Variants in PEX5L observed in about 807,000 individuals in gnomAD.
PEX5L encodes the protein PEX5-related protein.
In PEX5L, 30 loss-of-function variants were observed where a neutral mutation model predicts 84.0. The observed-to-expected ratio is 0.36, with a 90% CI of 0.27 to 0.48. The LOEUF (loss-of-function observed/expected upper bound fraction) is 0.48, where lower values mean the gene tolerates loss of function less well. PEX5L is among the 20% of genes least tolerant of loss of function. The probability of loss-of-function intolerance (pLI) is 0.99; values close to 1 mark genes in which losing one functional copy is unlikely to be tolerated. For missense variants in PEX5L, 533 were observed against 754.6 expected (o/e 0.71, Z 3.44); for synonymous variants, 270 against 283.1 (o/e 0.95, Z 0.46).
At chr3:179,973,791 GT>G in intron 1 of PEX5L, 2 of 985,324 alleles carry the variant, frequency 2.0e-6, no homozygotes. Context: ...AGGAAATTAT[GT>G]CCCCCAACCA....
At chr3:179,965,373 AT>A (rs1289188610) in intron 2 of PEX5L, among the ~76,000 whole-genome samples, 1 of 152,212 alleles carries the variant, frequency 6.6e-6, no homozygotes, top group Non-Finnish European at 1.5e-5. Flanking sequence ...GAGCATCCTC[AT>A]TTGAGCCTCA....
Position 179,898,230 on chromosome 3 carries a change from G to A in PEX5L, c.110C>T (p.Ala37Val), listed in dbSNP as rs1760024479. The change falls in exon 3 of 15, where the codon GCG becomes GTG. Residue 37 changes from alanine (A) to valine (V), a missense_variant. Coordinates refer to ENST00000467460, the MANE Select transcript of PEX5L (RefSeq NM_016559.3). ...CACCATGGCAACAGCCTTATCTGCC[G>A]CCCTAGAGCCTTTTCCCTATAACAG... ...VDQKQGKGSR[A>V]ADKAVAMVMK... 2 of 1,612,336 alleles carry A rather than the reference G, an allele frequency of 1.2e-6. No homozygotes were observed. The highest frequency in any genetic ancestry group is 1.7e-6 in the Non-Finnish European group (2 of 1,178,634).
intron 1 of PEX5L, among the ~76,000 whole-genome samples, chr3:179,990,491 C>T (rs1010594845): frequency 6.6e-6 from 1 of 152,084 alleles, no homozygotes; most frequent in African/African-American, 2.4e-5. Flanking sequence ...CTCAACCTCC[C>T]AGGTTCATGT....
chr3:180,024,588 T>C (rs924065258), intron 1 of PEX5L, among the ~76,000 whole-genome samples: 2 of 149,314 alleles, frequency 1.3e-5, no homozygotes, highest in Non-Finnish European at 3.0e-5. Flanking sequence ...ATGGTTCAGA[T>C]AGGTGCACAA....
At chr3:179,991,514 T>TC (rs1273508008) in intron 1 of PEX5L, among the ~76,000 whole-genome samples, 3 of 152,112 alleles carry the variant, frequency 2.0e-5, no homozygotes, top group Admixed American at 1.3e-4. Flanking sequence ...TCCTTTTTTT[T>TC]CCCCCTCTAC....
intron 1 of PEX5L, among the ~76,000 whole-genome samples, chr3:180,003,959 T>G (rs56006824): frequency 0.13 from 19,385 of 152,208 alleles, 1,368 homozygotes; most frequent in African/African-American, 0.19. Flanking sequence ...TTTATCCCAA[T>G]CAATATCTTC....
At chr3:179,848,116 A>G (rs1276138247) in intron 8 of PEX5L, among the ~76,000 whole-genome samples, 2 of 152,192 alleles carry the variant, frequency 1.3e-5, no homozygotes, top group Non-Finnish European at 2.9e-5. Context: ...TTCCTTTTCA[A>G]TAAACAACGA....
At chr3:179,948,676 T>C (rs1418878436) in intron 2 of PEX5L, among the ~76,000 whole-genome samples, 1 of 152,164 alleles carries the variant, frequency 6.6e-6, no homozygotes, top group Non-Finnish European at 1.5e-5. Context: ...GCATACTGTA[T>C]TTCTTCACTT....
chr3:179,927,346 A>T (rs954541119), intron 2 of PEX5L, among the ~76,000 whole-genome samples: 2 of 152,174 alleles, frequency 1.3e-5, no homozygotes. Context: ...TTAACTAGGC[A>T]CAGAGGGGTT....
chr3:179,810,632 C>G (rs1323780758), intron 11 of PEX5L, among the ~76,000 whole-genome samples: 1 of 152,112 alleles, frequency 6.6e-6, no homozygotes, highest in Non-Finnish European at 1.5e-5. Context: ...ATGATGAGGT[C>G]TCTGGATAAG....
At chr3:179,989,407 T>C (rs1351497462) in intron 1 of PEX5L, among the ~76,000 whole-genome samples, 3 of 152,188 alleles carry the variant, frequency 2.0e-5, no homozygotes, top group African/African-American at 7.2e-5. Context: ...AAACCTCTCA[T>C]GACATATGTG....
At position 179,797,188 on chromosome 3, in the gene PEX5L, T is replaced by C. The variant is rs1044549780; in HGVS notation, c.*4640A>G. 4 of 152,192 alleles carry C rather than the reference T, an allele frequency of 2.6e-5. No homozygotes were observed. The highest frequency in any genetic ancestry group is 9.6e-5 in the African/African-American group (4 of 41,456). 9.4% of individuals were successfully genotyped at this position (152,192 alleles called of 1,614,324 possible). ...GATCTGTTGTGCCTCAACTGGTTTT[T>C]GAAAAAGTGTTTAGATGTCCCAGAT... On this transcript the variant is annotated 3_prime_UTR_variant, in exon 15 of 15. Transcript: ENST00000467460.
rs546973845 is a variant in PEX5L, at chr3:180,027,438, A to G, written c.21+9141T>C. On this transcript the variant is annotated intron_variant, in intron 1 of 14. Transcript: ENST00000467460. The stretch of plus-strand genomic sequence containing the variant: ...CTTTCCCCAGATTTAGCAGTTTTTA[A>G]TATTTTGCTGTATTGCTTTATCATT... 4.2e-3 allele frequency among the ~76,000 whole-genome samples: 632 copies of G among 152,268 alleles called. 3 individuals carry two copies. The highest frequency in any genetic ancestry group is 0.014 in the African/African-American group (602 of 41,552).
intron 2 of PEX5L, 196 bp from the exon 3 acceptor site, chr3:179,898,442 T>C (rs1043249220): frequency 9.2e-6 from 4 of 436,630 alleles, no homozygotes; most frequent in African/African-American, 4.0e-5. Context: ...TTTAGTTAGC[T>C]ACTTTTTCCC....
intron 1 of PEX5L, among the ~76,000 whole-genome samples, chr3:180,028,976 TG>T (rs556125748): frequency 1.8e-4 from 27 of 152,346 alleles, no homozygotes; most frequent in Non-Finnish European, 1.0e-4. Flanking sequence ...TTAGGCTGTC[TG>T]AATAGGTATC....
chr3:179,895,038 T>C (rs1758791941), intron 3 of PEX5L, among the ~76,000 whole-genome samples: 1 of 152,114 alleles, frequency 6.6e-6, no homozygotes, highest in Admixed American at 6.6e-5. Context: ...GTTTATACTA[T>C]TACCCTTTAG....
At chr3:179,873,223 C>T (rs1003069305) in intron 7 of PEX5L, among the ~76,000 whole-genome samples, 6 of 152,074 alleles carry the variant, frequency 3.9e-5, no homozygotes, top group African/African-American at 1.4e-4. Context: ...CTTACCTGAT[C>T]GAGTGATTTA....
At chr3:179,969,542 T>C (rs1784223690) in intron 2 of PEX5L, among the ~76,000 whole-genome samples, 1 of 152,098 alleles carries the variant, frequency 6.6e-6, no homozygotes, top group African/African-American at 2.4e-5. Flanking sequence ...ATTACAGTGT[T>C]TCCCCAAATA....
intron 2 of PEX5L, chr3:179,900,686 T>C (rs1376064088): frequency 6.5e-7 from 1 of 1,535,432 alleles, no homozygotes; most frequent in Non-Finnish European, 8.7e-7. Flanking sequence ...CAGGGTCAGG[T>C]CACTTTTTTG....
Sources: allele counts gnomAD v4.1 joint callset (sites outside exome capture counted in the v4.1 genomes callset), GRCh38; gene constraint gnomAD v4.1.1; transcripts MANE v1.5; gene names NCBI Gene and HGNC (gene_info 2026-07-23, HGNC 2026-07-21).